UBR4: variants seen among roughly 807,000 people sequenced by gnomAD.
UBR4 encodes the protein E3 ubiquitin-protein ligase UBR4.
In UBR4, 124 loss-of-function variants were observed where a neutral mutation model predicts 575.6. That is an observed-to-expected ratio of 0.22 (90% CI 0.19 to 0.25). The LOEUF is 0.25. Among genes scored for constraint, UBR4 ranks in the 10% least tolerant of loss-of-function variants. The pLI is 1.00. For missense variants in UBR4, 4,818 were observed against 6,478.8 expected (o/e 0.74, Z 8.80); for synonymous variants, 2,455 against 2,473.7 (o/e 0.99, Z 0.22).
At chr1:19,115,010 C>A in intron 74 of UBR4, 61 bp from the exon 75 acceptor site, 2 of 1,604,860 alleles carry the variant, frequency 1.2e-6, no homozygotes, top group South Asian at 2.2e-5. Flanking sequence ...GGGGGTCACT[C>A]TGAGGAAATG....
chr1:19,160,328 A>G, intron 38 of UBR4, 47 bp from the exon 39 acceptor site: 2 of 1,487,028 alleles, frequency 1.3e-6, no homozygotes, highest in Non-Finnish European at 1.8e-6. Context: ...AAAAAAAGAA[A>G]AACAATGGAT....
At chr1:19,077,807 C>G in intron 104 of UBR4, 169 bp downstream of exon 104, 1 of 1,538,882 alleles carries the variant, frequency 6.5e-7, no homozygotes, top group South Asian at 1.2e-5. Flanking sequence ...AGGCTCCAGG[C>G]TGCCAGTGTC....
In UBR4 at chr1:19,192,574, C is replaced by T. The variant is rs1167373126; in HGVS notation, c.1144-34G>A. 2.5e-6 allele frequency: 4 copies of T among 1,610,190 alleles called. No homozygotes were observed. The African/African-American group carries it at 5.3e-5, about 22-fold the overall frequency. On this transcript the variant is annotated intron_variant, in intron 9 of 105. Transcript: ENST00000375254. ...TATCAAACAGACACAAAAATCTGAA[C>T]AAGCTGACAGATTTCATCATAAATG...
rs781385663 is a variant in UBR4, at chr1:19,146,959, T to C, written c.7671A>G (p.Thr2557=). ...LLSKAVQCLN[T]SSKEGKDLDP... ...CCAAATCCTTGCCCTCTTTGCTAGA[T>C]GTGTTGAGACACTGCACAGCTTTGC... is the stretch of plus-strand genomic sequence containing the variant. Residue 2557 remains threonine (T), a synonymous_variant, in exon 52 of 106, where the codon ACA becomes ACG. Coordinates refer to ENST00000375254, the MANE Select transcript of UBR4 (RefSeq NM_020765.3). 7 of 1,613,660 alleles carry C rather than the reference T, an allele frequency of 4.3e-6. No homozygotes were observed. In the Admixed American group the frequency reaches 8.3e-5, roughly 19 times the overall value.
chr1:19,078,658 C>T (rs1381076977), intron 103 of UBR4: 1 of 153,096 alleles, frequency 6.5e-6, no homozygotes, highest in Non-Finnish European at 1.5e-5. Flanking sequence ...CTGACATCAC[C>T]TAAATCCTGG....
intron 60 of UBR4, among the ~76,000 whole-genome samples, chr1:19,136,003 A>G (rs139223371): frequency 7.8e-4 from 119 of 152,324 alleles, no homozygotes; most frequent in African/African-American, 2.8e-3. Context: ...GTGATTTCTC[A>G]TTGGAAATAA....
Position 19,172,867 on chromosome 1 carries a change from G to A in UBR4, c.3518C>T (p.Thr1173Ile). ...LQLIDTYASF[T>I]RAYLLQNFNE... is the part of the protein sequence containing the mutation. ...CTGGGCAGGCAGTTCGCCACACCTG[G>A]TGAACGATGCATAGGTGTCAATGAG... The change falls in exon 25 of 106, where the codon ACC (threonine) becomes ATC (isoleucine). Residue 1173 changes from threonine to isoleucine, a missense_variant. Around this residue, in one of 29 missense-constraint regions of UBR4, gnomAD observed 1,172 missense variants for 1,259.7 expected, o/e 0.93. Transcript: ENST00000375254. 6.2e-7 allele frequency: 1 copy of A among 1,614,144 alleles called. No homozygotes were observed. Among genetic ancestry groups the A allele is most frequent in the South Asian group, 1.1e-5 (1 of 91,082 alleles).
chr1:19,178,757 T>C (rs935882543), intron 18 of UBR4, among the ~76,000 whole-genome samples: 2 of 152,236 alleles, frequency 1.3e-5, no homozygotes, highest in African/African-American at 4.8e-5. Flanking sequence ...CTGGCTTCCC[T>C]GCTTGTCTTT....
intron 20 of UBR4, among the ~76,000 whole-genome samples, chr1:19,175,446 T>G (rs940439295): frequency 6.6e-6 from 1 of 152,134 alleles, no homozygotes; most frequent in African/African-American, 2.4e-5. Flanking sequence ...TAGTAAAAGA[T>G]AACAGTAAAC....
rs1169832282 is a variant in UBR4, at chr1:19,110,824, G to C, written c.11810C>G (p.Pro3937Arg). The C allele has an allele frequency of 6.2e-7, 1 of 1,614,050 alleles. No homozygotes were observed. Among genetic ancestry groups the C allele is most frequent in the Middle Eastern group, 1.7e-4 (1 of 6,058 alleles). ...QLMCLLTRDN[P>R]EATQQMNDLI... is the part of the protein sequence containing the mutation. ...GTCATTCATCTGTTGGGTGGCTTCT[G>C]GGTTGTCTCTGCAGAAGCAAATAGA... Residue 3937 changes from proline to arginine, a missense_variant, in exon 79 of 106, where the codon CCA becomes CGA. Physicochemically the swap from Pro to Arg is moderately radical, Grantham distance 103. Around this residue, in one of 29 missense-constraint regions of UBR4, gnomAD observed 333 missense variants for 459.2 expected, o/e 0.73. Transcript: ENST00000375254. This position sits in a 1 kb window ranked among gnomAD's most constrained non-coding sequence, Gnocchi z 4.5.
chr1:19,161,192 A>G (rs372525512), intron 37 of UBR4, 45 bp from the exon 38 acceptor site: 25 of 1,577,084 alleles, frequency 1.6e-5, no homozygotes, highest in Non-Finnish European at 2.2e-5. Flanking sequence ...TGCCTCAAGC[A>G]CAGAGGAAAT....
At chr1:19,154,044 A>G in intron 44 of UBR4, 105 bp from the exon 45 acceptor site, 1 of 1,287,284 alleles carries the variant, frequency 7.8e-7, no homozygotes, top group Non-Finnish European at 1.1e-6. Flanking sequence ...CTCCAAAGCA[A>G]TATCCTTGGC....
intron 1 of UBR4, among the ~76,000 whole-genome samples, chr1:19,206,804 T>C (rs773643735): frequency 1.3e-5 from 2 of 152,266 alleles, no homozygotes; most frequent in Non-Finnish European, 1.5e-5. Flanking sequence ...TCATCCATGT[T>C]GATCAATTCC....
chr1:19,159,935 T>C (rs1274293868), intron 39 of UBR4, among the ~76,000 whole-genome samples, 176 bp downstream of exon 39: 1 of 150,960 alleles, frequency 6.6e-6, no homozygotes, highest in Non-Finnish European at 1.5e-5. Context: ...GTATGCTGAT[T>C]TTCACACTGT....
chr1:19,123,451 TAA>T (rs35963937), intron 65 of UBR4, among the ~76,000 whole-genome samples: 10 of 135,796 alleles, frequency 7.4e-5, no homozygotes, highest in Non-Finnish European at 7.9e-5. Flanking sequence ...GACTTGGTCT[TAA>T]AAAAAAAAAA....
At chr1:19,170,029 A>C (rs2089252081) in intron 26 of UBR4, among the ~76,000 whole-genome samples, 1 of 152,242 alleles carries the variant, frequency 6.6e-6, no homozygotes, top group Non-Finnish European at 1.5e-5. Context: ...AGGAAAATAC[A>C]AACGATTGAT....
intron 65 of UBR4, among the ~76,000 whole-genome samples, chr1:19,123,567 G>A (rs1220157049): frequency 6.6e-6 from 1 of 152,008 alleles, no homozygotes; most frequent in Non-Finnish European, 1.5e-5. Flanking sequence ...AGAAAGAAAG[G>A]GAGAGAAAGA....
Position 19,138,022 on chromosome 1 carries a change from A to T in UBR4, c.8891T>A (p.Val2964Asp). The T allele has an allele frequency of 1.9e-6, 3 of 1,560,136 alleles. No individual in the cohort carries two copies. The highest frequency in any genetic ancestry group is 2.6e-6 in the Non-Finnish European group (3 of 1,147,244). The change falls in exon 60 of 106, where the codon GTC (valine) becomes GAC (aspartate). Residue 2964 changes from valine (V) to aspartate (D), a missense_variant. Transcript: ENST00000375254. ...GEGEGETEGD[V>D]HTSNRLHMVR... Reference sequence around the variant, plus strand: ...AGGTCTTGACCTGTTGCTAGTGTGGACATCTCCTTCAGTTTCTCCTTCTCC... The same window carrying T: ...AGGTCTTGACCTGTTGCTAGTGTGGTCATCTCCTTCAGTTTCTCCTTCTCC...
Position 19,157,050 on chromosome 1 carries a change from G to A in UBR4, c.5761-125C>T. Reference sequence around the variant, plus strand: ...ACTTTTTTCTTTACAGATAAGTCTAGTAGAAAATCCTAGATCAGTATTAGT... The same window carrying A: ...ACTTTTTTCTTTACAGATAAGTCTAATAGAAAATCCTAGATCAGTATTAGT... On this transcript the variant is annotated intron_variant, in intron 40 of 105. Coordinates refer to ENST00000375254, the MANE Select transcript of UBR4 (RefSeq NM_020765.3). This position sits in a 1 kb window ranked among gnomAD's most constrained non-coding sequence, Gnocchi z 4.4. 8.9e-7 allele frequency: 1 copy of A among 1,121,792 alleles called. No homozygotes were observed. The highest frequency in any genetic ancestry group is 1.2e-6 in the Non-Finnish European group (1 of 808,232). The allele number at this position is 1,121,792 out of a possible 1,614,324, so 69.5% of individuals were successfully genotyped here. A position where few individuals can be genotyped will look rare whatever the true frequency, so the allele number is the denominator to read the frequency against.
Sources: allele counts gnomAD v4.1 joint callset (sites outside exome capture counted in the v4.1 genomes callset), GRCh38; gene constraint gnomAD v4.1.1; regional missense constraint gnomAD v4.1.1; non-coding constraint Gnocchi (gnomAD v3.1); transcripts MANE v1.5; gene names NCBI Gene and HGNC (gene_info 2026-07-23, HGNC 2026-07-21).